COPS2: variants seen among roughly 807,000 people sequenced by gnomAD.
COPS2 encodes the protein COP9 signalosome subunit 2.
In COPS2, 10 loss-of-function variants were observed where a neutral mutation model predicts 66.1. The ratio of observed to expected loss-of-function variants is 0.15; its 90% CI spans 0.09 to 0.26. The LOEUF (loss-of-function observed/expected upper bound fraction) is 0.26, where lower values mean the gene tolerates loss of function less well. Among genes scored for constraint, COPS2 ranks in the 10% least tolerant of loss-of-function variants. COPS2 has a pLI of 1.00. For missense variants in COPS2, 215 were observed against 513.3 expected (o/e 0.42, Z 5.62); for synonymous variants, 179 against 171.3 (o/e 1.04, Z -0.35).
rs921636182 is a variant in COPS2 at position 49,126,608 on chromosome 15, A to G, written c.*1342T>C. The G allele has an allele frequency of 6.6e-6, 1 of 152,362 alleles. No homozygotes were observed. The highest frequency in any genetic ancestry group is 1.5e-5 in the Non-Finnish European group (1 of 67,942). The allele number at this position is 152,362 out of a possible 1,614,324, so 9.4% of individuals were successfully genotyped here. A position where few individuals can be genotyped will look rare whatever the true frequency, so the allele number is the denominator to read the frequency against. ...TAAAATAATGTGAACTTTTTAAAAA[A>G]TGAAACAAATACATCCAAAACTCAA... is the stretch of plus-strand genomic sequence containing the variant. On this transcript the variant is annotated 3_prime_UTR_variant, in exon 13 of 13. Transcript: ENST00000388901.
In COPS2 at chr15:49,126,791, G is replaced by C. The variant is rs2084170618; in HGVS notation, c.*1159C>G. The C allele has an allele frequency of 6.6e-6, 1 of 152,008 alleles. No individual in the cohort carries two copies. The highest frequency in any genetic ancestry group is 2.4e-5 in the African/African-American group (1 of 41,410). 9.4% of individuals were successfully genotyped at this position (152,008 alleles called of 1,614,324 possible). Reference sequence around the variant, plus strand: ...TTTCTGCATTACCTCAAAGTTAGGTGGAAGTTTTGGAAACTTTCATTTGGT... The same window carrying C: ...TTTCTGCATTACCTCAAAGTTAGGTCGAAGTTTTGGAAACTTTCATTTGGT... On this transcript the variant is annotated 3_prime_UTR_variant, in exon 13 of 13. Transcript: ENST00000388901.
rs1264693289 is a variant in COPS2 at position 49,125,256 on chromosome 15, G to T, written c.*2694C>A. 6.6e-6 allele frequency: 1 copy of T among 152,064 alleles called. No homozygotes were observed. Among genetic ancestry groups the T allele is most frequent in the Admixed American group, 6.5e-5 (1 of 15,270 alleles). The allele number at this position is 152,064 out of a possible 1,614,324, so 9.4% of individuals were successfully genotyped here. The stretch of plus-strand genomic sequence containing the variant: ...GTACATATATACTCATCTTTAAAAA[G>T]AAATCAGTTATGTTACATTAAGATG... On this transcript the variant is annotated 3_prime_UTR_variant, in exon 13 of 13. Coordinates refer to ENST00000388901, the MANE Select transcript of COPS2 (RefSeq NM_004236.4).
Position 49,125,485 on chromosome 15 carries a change from G to A in COPS2, c.*2465C>T, listed in dbSNP as rs1194467480. 1.3e-5 allele frequency: 2 copies of A among 151,946 alleles called. No individual in the cohort carries two copies. Among genetic ancestry groups the A allele is most frequent in the African/African-American group, 4.8e-5 (2 of 41,402 alleles). 9.4% of individuals were successfully genotyped at this position (151,946 alleles called of 1,614,324 possible). Reference sequence around the variant, plus strand: ...CCACTGGTATGGTTTTCACAAAAGTGGAAAAGATTTAATCAGTGAATAAAT... The same window carrying A: ...CCACTGGTATGGTTTTCACAAAAGTAGAAAAGATTTAATCAGTGAATAAAT... On this transcript the variant is annotated 3_prime_UTR_variant, in exon 13 of 13. Coordinates refer to ENST00000388901, the MANE Select transcript of COPS2 (RefSeq NM_004236.4).
chr15:49,138,839 C>G (rs79820441), intron 4 of COPS2, among the ~76,000 whole-genome samples: 5 of 151,998 alleles, frequency 3.3e-5, no homozygotes, highest in Non-Finnish European at 7.4e-5. Flanking sequence ...ATATCTTGTA[C>G]TCAAGTATCA....
At chr15:49,150,064 G>A (rs1180993012) in intron 1 of COPS2, among the ~76,000 whole-genome samples, 4 of 152,126 alleles carry the variant, frequency 2.6e-5, no homozygotes, top group African/African-American at 9.6e-5. Context: ...GGAGGCGGAG[G>A]CAGGTGGATC....
At chr15:49,133,261 G>T (rs995487748) in intron 9 of COPS2, among the ~76,000 whole-genome samples, 19 of 152,078 alleles carry the variant, frequency 1.2e-4, no homozygotes, top group South Asian at 6.2e-4. Context: ...GTGCTGGGAT[G>T]ACAGGCGTGA....
intron 1 of COPS2, among the ~76,000 whole-genome samples, chr15:49,146,711 C>T (rs1323201980): frequency 6.6e-6 from 1 of 152,156 alleles, no homozygotes; most frequent in East Asian, 1.9e-4. Flanking sequence ...CATCTCTCCA[C>T]AAACTTTAGC....
At chr15:49,133,845 T>C in intron 8 of COPS2, 34 bp from the exon 9 acceptor site, 1 of 1,550,556 alleles carries the variant, frequency 6.4e-7, no homozygotes, top group Non-Finnish European at 8.7e-7. Context: ...TAAATATATG[T>C]ACAAAGAAAC....
At chr15:49,144,132 A>G in intron 3 of COPS2, 95 bp downstream of exon 3, 1 of 802,678 alleles carries the variant, frequency 1.2e-6, no homozygotes, top group Non-Finnish European at 2.1e-6. Flanking sequence ...CATCCAAAGA[A>G]GTACTTTAGA....
Position 49,134,042 on chromosome 15 carries a change from G to C in COPS2, c.782C>G (p.Ala261Gly). The change falls in exon 8 of 13, where the codon GCC becomes GGC. Residue 261 changes from alanine to glycine, a missense_variant. Around this residue, in one of 5 missense-constraint regions of COPS2, gnomAD observed 56 missense variants for 173.6 expected, o/e 0.32. Transcript: ENST00000388901. ...FEKAHTDFFEAFKNYDESGSP... is the reference protein window; with the variant it reads ...FEKAHTDFFEGFKNYDESGSP... ...TCCAGATTCATCATAATTCTTGAAG[G>C]CTTCAAAAAAATCAGTGTGTGCCTT... 1 of 1,613,490 alleles carries C rather than the reference G, an allele frequency of 6.2e-7. No individual in the cohort carries two copies. Among genetic ancestry groups the C allele is most frequent in the Non-Finnish European group, 8.5e-7 (1 of 1,179,608 alleles).
chr15:49,144,922 TAAAAA>T, intron 2 of COPS2, 38 bp downstream of exon 2: 1 of 1,112,578 alleles, frequency 9.0e-7, no homozygotes. Context: ...AGCATATCAT[TAAAAA>T]AATTAACACA....
rs193132912 is a variant in COPS2, at chr15:49,140,242, G to A, written c.247-589C>T. On this transcript the variant is annotated intron_variant, in intron 3 of 12. Coordinates refer to ENST00000388901, the MANE Select transcript of COPS2 (RefSeq NM_004236.4). ...ACTCCCGATCTCAGGTGATCTGCCCGCCTTGGCCTCCCAAAGTGCTGGAAT... is the reference window on the plus strand; with the variant it reads ...ACTCCCGATCTCAGGTGATCTGCCCACCTTGGCCTCCCAAAGTGCTGGAAT... Among the ~76,000 whole-genome samples the A allele has an allele frequency of 2.3e-3, 344 of 151,684 alleles. 2 individuals are homozygous for A. The highest frequency in any genetic ancestry group is 3.1e-3 in the Non-Finnish European group (212 of 67,900).
chr15:49,126,411 T>G lies in COPS2; in HGVS notation c.*1539A>C, dbSNP rs1456260706. On this transcript the variant is annotated 3_prime_UTR_variant, in exon 13 of 13. Transcript: ENST00000388901. The stretch of plus-strand genomic sequence containing the variant: ...ATAAGCATGCCTTGTTTTAAGTCCA[T>G]GCTCCTTCCACTGTTTATAAAATCT... 1 of 152,432 alleles carries G rather than the reference T, an allele frequency of 6.6e-6. No individual in the cohort carries two copies. The highest frequency in any genetic ancestry group is 2.1e-4 in the South Asian group (1 of 4,828). 9.4% of individuals were successfully genotyped at this position (152,432 alleles called of 1,614,324 possible).
chr15:49,153,019 A>G (rs694882), intron 1 of COPS2, among the ~76,000 whole-genome samples: 89,255 of 151,914 alleles, frequency 0.59, 26,370 homozygotes, highest in Middle Eastern at 0.67. Flanking sequence ...AAAGATGATC[A>G]TCAGCTTGAT....
At chr15:49,130,335 A>AT (rs1426086485) in intron 10 of COPS2, among the ~76,000 whole-genome samples, 1 of 152,172 alleles carries the variant, frequency 6.6e-6, no homozygotes, top group Non-Finnish European at 1.5e-5. Context: ...CATAGTACAT[A>AT]TATCTTAGCA....
At chr15:49,139,349 T>C in intron 4 of COPS2, 179 bp downstream of exon 4, 1 of 512,428 alleles carries the variant, frequency 2.0e-6, no homozygotes, top group Non-Finnish European at 3.4e-6. Flanking sequence ...TATTACCTTT[T>C]ACTATTATAT....
intron 1 of COPS2, among the ~76,000 whole-genome samples, chr15:49,146,417 A>C (rs2084321496): frequency 6.6e-6 from 1 of 152,142 alleles, no homozygotes; most frequent in Non-Finnish European, 1.5e-5. Flanking sequence ...CAAGCTAAAA[A>C]AAAAGAGAAA....
rs972639357 is a variant in COPS2 at position 49,123,253 on chromosome 15, T to C, written c.*4697A>G. The C allele has an allele frequency of 4.6e-5, 7 of 152,314 alleles. No individual in the cohort carries two copies. The highest frequency in any genetic ancestry group is 1.7e-4 in the African/African-American group (7 of 41,564). 9.4% of individuals were successfully genotyped at this position (152,314 alleles called of 1,614,324 possible). On this transcript the variant is annotated 3_prime_UTR_variant, in exon 13 of 13. Transcript: ENST00000388901. ...TGGGATGACGCTAGAGATTACTTTT[T>C]CTAAACTCTAAACTCCCATAAAATG...
intron 1 of COPS2, among the ~76,000 whole-genome samples, chr15:49,146,881 C>G (rs1405203640): frequency 6.6e-6 from 1 of 152,162 alleles, no homozygotes; most frequent in African/African-American, 2.4e-5. Context: ...CTGTGTCCAA[C>G]CTTATCTCCT....
Sources: allele counts gnomAD v4.1 joint callset (sites outside exome capture counted in the v4.1 genomes callset), GRCh38; gene constraint gnomAD v4.1.1; regional missense constraint gnomAD v4.1.1; transcripts MANE v1.5; gene names NCBI Gene and HGNC (gene_info 2026-07-23, HGNC 2026-07-21).